KMT2C: variants seen among roughly 807,000 people sequenced by gnomAD.
The protein encoded by KMT2C is histone-lysine N-methyltransferase 2C.
In KMT2C, 88 loss-of-function variants were observed where a neutral mutation model predicts 507.9. The observed-to-expected ratio is 0.17, with a 90% CI of 0.15 to 0.21. KMT2C has a LOEUF of 0.21. Among genes scored for constraint, KMT2C ranks in the 10% least tolerant of loss-of-function variants. The probability of loss-of-function intolerance (pLI) is 1.00; values close to 1 mark genes in which losing one functional copy is unlikely to be tolerated. For synonymous variants in KMT2C, 2,049 were observed against 2,080.8 expected, an observed-to-expected ratio of 0.98 and a Z score of 0.42; for missense variants, 4,954 against 5,957.8, an observed-to-expected ratio of 0.83 and a Z score of 5.55.
At chr7:152,297,891 G>A (rs2096530963) in intron 6 of KMT2C, among the ~76,000 whole-genome samples, 1 of 152,280 alleles carries the variant, frequency 6.6e-6, no homozygotes, top group East Asian at 1.9e-4. Context: ...ATTAGCAGAG[G>A]AGGACATTCA....
At chr7:152,371,989 A>G (rs2097296747) in intron 1 of KMT2C, among the ~76,000 whole-genome samples, 1 of 152,100 alleles carries the variant, frequency 6.6e-6, no homozygotes, top group African/African-American at 2.4e-5. Flanking sequence ...AAAGCATATC[A>G]CTACCAAAAA....
chr7:152,306,296 G>A (rs947221731), intron 6 of KMT2C, among the ~76,000 whole-genome samples: 7 of 152,098 alleles, frequency 4.6e-5, no homozygotes, highest in African/African-American at 1.7e-4. Flanking sequence ...CAATTGCATA[G>A]AAGCATTTAA....
At chr7:152,333,829 CA>C (rs763559019) in intron 2 of KMT2C, among the ~76,000 whole-genome samples, 32 of 151,720 alleles carry the variant, frequency 2.1e-4, no homozygotes, top group Non-Finnish European at 4.1e-4. Flanking sequence ...CTTAAAATAA[CA>C]TGTTTCTTTT....
At chr7:152,334,754 T>C (rs1000636559) in intron 2 of KMT2C, among the ~76,000 whole-genome samples, 1 of 152,202 alleles carries the variant, frequency 6.6e-6, no homozygotes, top group African/African-American at 2.4e-5. Context: ...CTCCAGGTGA[T>C]GGCAGAGAGA....
Position 152,220,576 on chromosome 7 carries a change from G to A in KMT2C, c.3659C>T (p.Pro1220Leu), listed in dbSNP as rs2094734000. ...TGAATGCTCTGATTGGATGTCTGGA[G>A]GGGTCTGAAGGACGGCCACGCTATT... ...NQNSVAVLQT[P>L]PDIQSEHSRD... The change falls in exon 23 of 59, where the codon CCT (proline) becomes CTT (leucine). Residue 1220 changes from proline to leucine, a missense_variant. By Grantham distance (98) the Pro-to-Leu change is moderately conservative (BLOSUM62 -3). This residue lies in a region of KMT2C where 176 missense variants were observed against 262.0 expected (regional missense o/e 0.67). Coordinates refer to ENST00000262189, the MANE Select transcript of KMT2C (RefSeq NM_170606.3). 6.2e-7 allele frequency: 1 copy of A among 1,611,854 alleles called. No homozygotes were observed. The highest frequency in any genetic ancestry group is 8.5e-7 in the Non-Finnish European group (1 of 1,179,740).
At chr7:152,224,786 C>T (rs879363649) in intron 18 of KMT2C, among the ~76,000 whole-genome samples, 170 bp from the exon 19 acceptor site, 2 of 152,136 alleles carry the variant, frequency 1.3e-5, no homozygotes, top group African/African-American at 4.8e-5. Context: ...TGTTCATACA[C>T]GCTTTTAGAA....
At position 152,169,229 on chromosome 7, in the gene KMT2C, C is replaced by G; in HGVS notation, c.9474G>C (p.Gln3158His). 6.3e-7 allele frequency: 1 copy of G among 1,599,460 alleles called. No homozygotes were observed. Among genetic ancestry groups the G allele is most frequent in the Non-Finnish European group, 8.6e-7 (1 of 1,166,970 alleles). ...AATTTGGAGGATTAGGCCTAGAAAT[C>G]TGATGTGTTATACTGCCATCCTAAA... ...AIPQDGSITH[Q>H]ISRPNPPNFG... Residue 3158 changes from glutamine to histidine, a missense_variant, in exon 41 of 59, where the codon CAG becomes CAC. By Grantham distance (24) the Gln-to-His change is conservative. Transcript: ENST00000262189.
At position 152,148,114 on chromosome 7, in the gene KMT2C, TCTC is replaced by T. The variant is rs2091320657; in HGVS notation, c.13810_13812del (p.Glu4604del). The T allele has an allele frequency of 6.2e-7, 1 of 1,612,204 alleles. No individual in the cohort carries two copies. Among genetic ancestry groups the T allele is most frequent in the Non-Finnish European group, 8.5e-7 (1 of 1,178,400 alleles). ...ATGACAAACACTGGGCGCCCATCCT[TCTC>T]CTCAATGGAGCACAGGTAGCGGCAG... On this transcript the variant is annotated inframe_deletion, in exon 52 of 59. Transcript: ENST00000262189. This position sits in a 1 kb window ranked among gnomAD's most constrained non-coding sequence, Gnocchi z 7.1.
chr7:152,218,466 C>T (rs1012608663), intron 23 of KMT2C, among the ~76,000 whole-genome samples: 2 of 152,002 alleles, frequency 1.3e-5, no homozygotes, highest in Admixed American at 6.5e-5. Context: ...CCACCGAGCC[C>T]GGCCACAAAT....
intron 2 of KMT2C, among the ~76,000 whole-genome samples, chr7:152,345,019 C>CCACAAAAAG (rs931423455): frequency 6.6e-6 from 1 of 151,372 alleles, no homozygotes; most frequent in African/African-American, 2.4e-5. Context: ...TAAAATGAAA[C>CCACAAAAAG]CACAAAAAGC....
chr7:152,204,037 C>T (rs2094222584), intron 25 of KMT2C, among the ~76,000 whole-genome samples: 1 of 151,832 alleles, frequency 6.6e-6, no homozygotes, highest in Admixed American at 6.6e-5. Flanking sequence ...GCAGACAGGC[C>T]AGAGGTGACT....
intron 1 of KMT2C, among the ~76,000 whole-genome samples, chr7:152,370,116 C>T (rs2097282407): frequency 6.6e-6 from 1 of 151,904 alleles, no homozygotes; most frequent in African/African-American, 2.4e-5. Context: ...ATGGCGTGAA[C>T]CCTGGAGGCA....
intron 1 of KMT2C, among the ~76,000 whole-genome samples, chr7:152,421,455 G>A (rs972533811): frequency 1.3e-5 from 2 of 152,050 alleles, no homozygotes; most frequent in South Asian, 2.1e-4. Flanking sequence ...GTTCATCACA[G>A]GACTTTGCAC....
intron 2 of KMT2C, among the ~76,000 whole-genome samples, chr7:152,348,755 G>A (rs1464296886): frequency 1.1e-4 from 17 of 151,976 alleles, no homozygotes; most frequent in Admixed American, 1.1e-3. Context: ...TAAAACAACA[G>A]GGCATCACTA....
intron 50 of KMT2C, 75 bp downstream of exon 50, chr7:152,151,367 A>T: frequency 4.8e-6 from 7 of 1,464,088 alleles, no homozygotes; most frequent in Non-Finnish European, 6.6e-6. Flanking sequence ...TCTCTCTCTG[A>T]TGTTGGAAGA....
Position 152,182,035 on chromosome 7 carries a change from G to A in KMT2C, c.5825C>T (p.Thr1942Ile), listed in dbSNP as rs772288933. 3.7e-6 allele frequency: 6 copies of A among 1,614,170 alleles called. No homozygotes were observed. The South Asian group carries it at 6.6e-5, about 18-fold the overall frequency. Residue 1942 changes from threonine to isoleucine, a missense_variant, in exon 36 of 59, where the codon ACA (threonine) becomes ATA (isoleucine). Coordinates refer to ENST00000262189, the MANE Select transcript of KMT2C (RefSeq NM_170606.3). ...TCTGACAGGGGATGGCCTATTTGCTGTTGTCTCATTCATTTGAAGGGGCCT... is the reference window on the plus strand; with the variant it reads ...TCTGACAGGGGATGGCCTATTTGCTATTGTCTCATTCATTTGAAGGGGCCT... ...VSRPLQMNET[T>I]ANRPSPVRDL...
intron 7 of KMT2C, among the ~76,000 whole-genome samples, chr7:152,266,126 C>T (rs2095854572): frequency 6.6e-6 from 1 of 152,230 alleles, no homozygotes; most frequent in African/African-American, 2.4e-5. Context: ...TTGATCATTC[C>T]TATCTACTAT....
chr7:152,181,388 G>C lies in KMT2C; in HGVS notation c.6472C>G (p.Pro2158Ala). ...GGAGTTCCAGGAGGTTGAGAGTAAG[G>C]GTCTGTATTGGACCTAGCTGTTCCT... ...SSGTARSNTDPYSQPPGTPRP... is the reference protein window; with the variant it reads ...SSGTARSNTDAYSQPPGTPRP... Residue 2158 changes from proline to alanine, a missense_variant, in exon 36 of 59, where the codon CCT (proline) becomes GCT (alanine). By Grantham distance (27) the Pro-to-Ala change is conservative (BLOSUM62 -1). Around this residue, in one of 29 missense-constraint regions of KMT2C, gnomAD observed 1,689 missense variants for 1,654.3 expected, o/e 1.02. Transcript: ENST00000262189. The C allele has an allele frequency of 6.2e-7, 1 of 1,613,928 alleles. No homozygotes were observed. The highest frequency in any genetic ancestry group is 8.5e-7 in the Non-Finnish European group (1 of 1,180,004).
rs2091710921 is a variant in KMT2C at position 152,152,478 on chromosome 7, G to A, written c.12526+227C>T. ...TTCTGGCAGCCTGCACAGATGGCTG[G>A]CACTCACATAGCCCCTGGTGACAGC... On this transcript the variant is annotated intron_variant, in intron 49 of 58. Transcript: ENST00000262189. 3.3e-5 allele frequency among the ~76,000 whole-genome samples: 5 copies of A among 152,170 alleles called. No homozygotes were observed. In the South Asian group the frequency reaches 1.0e-3, roughly 32 times the overall value.
Sources: allele counts gnomAD v4.1 joint callset (sites outside exome capture counted in the v4.1 genomes callset), GRCh38; gene constraint gnomAD v4.1.1; regional missense constraint gnomAD v4.1.1; non-coding constraint Gnocchi (gnomAD v3.1); transcripts MANE v1.5; gene names NCBI Gene and HGNC (gene_info 2026-07-23, HGNC 2026-07-21).